DNAJC13: variants seen among roughly 807,000 people sequenced by gnomAD.
DNAJC13 encodes dnaJ homolog subfamily C member 13.
Under a neutral mutation model 290.5 loss-of-function variants are expected in DNAJC13, and 75 were observed. That is an observed-to-expected ratio of 0.26 (90% CI 0.21 to 0.31). The LOEUF is 0.31. Ranked by LOEUF, DNAJC13 falls within the 10% of genes least tolerant of loss-of-function variation. The probability of loss-of-function intolerance (pLI) is 1.00; values close to 1 mark genes in which losing one functional copy is unlikely to be tolerated. For synonymous variants in DNAJC13, 862 were observed against 892.0 expected (o/e 0.97, Z 0.60); for missense variants, 2,260 against 2,674.5 (o/e 0.85, Z 3.42).
At chr3:132,434,707 A>G in intron 2 of DNAJC13, 89 bp downstream of exon 2, 2 of 1,018,502 alleles carry the variant, frequency 2.0e-6, no homozygotes, top group South Asian at 3.7e-5. Flanking sequence ...AATACTGCAC[A>G]ACTCAGGCTA....
Position 132,457,313 on chromosome 3 carries a change from GA to G in DNAJC13, c.1396del (p.Ser466AlafsTer5), listed in dbSNP as rs1437342573. ...LGVKVVKALK[R>X]SNNGIIHAAV... ...GTGAAGGTAGTAAAAGCACTCAAAA[GA>G]AGCAACAACGGAATAATCCATGCAG... On this transcript the variant is annotated frameshift_variant, in exon 13 of 56. Coordinates refer to ENST00000260818, the MANE Select transcript of DNAJC13 (RefSeq NM_015268.4). LOFTEE classifies it high-confidence loss of function. 3 of 1,613,454 alleles carry G rather than the reference GA, an allele frequency of 1.9e-6. No individual in the cohort carries two copies.
At chr3:132,470,629 C>A (rs1934181736) in intron 20 of DNAJC13, among the ~76,000 whole-genome samples, 1 of 142,624 alleles carries the variant, frequency 7.0e-6, no homozygotes. Flanking sequence ...GACCCCCCCA[C>A]CTCCCTCCCG....
chr3:132,528,303 A>G lies in DNAJC13; in HGVS notation c.6496A>G (p.Met2166Val), dbSNP rs1039219344. 2 of 1,614,080 alleles carry G rather than the reference A, an allele frequency of 1.2e-6. No homozygotes were observed. Among genetic ancestry groups the G allele is most frequent in the African/African-American group, 1.3e-5 (1 of 74,936 alleles). Residue 2166 changes from methionine (M) to valine (V), a missense_variant, in exon 54 of 56, where the codon ATG (methionine) becomes GTG (valine). Met to Val is a conservative substitution (Grantham distance 21). Transcript: ENST00000260818. The part of the protein sequence containing the change: ...KAQIVKALKA[M>V]TRSLQYGEQV... ...TCAGATTGTTAAAGCTCTCAAGGCA[A>G]TGACTCGAAGTTTGCAGTATGGAGA...
At chr3:132,480,269 A>C (rs1440215898) in intron 25 of DNAJC13, 100 bp from the exon 26 acceptor site, 2 of 624,640 alleles carry the variant, frequency 3.2e-6, no homozygotes, top group Non-Finnish European at 5.5e-6. Flanking sequence ...TTCTTCGAGG[A>C]CCTTGTAGGT....
At chr3:132,503,732 T>C (rs1362787148) in intron 41 of DNAJC13, among the ~76,000 whole-genome samples, 1 of 152,188 alleles carries the variant, frequency 6.6e-6, no homozygotes, top group African/African-American at 2.4e-5. Context: ...AGCTATTTAT[T>C]GTAAGCCATA....
intron 46 of DNAJC13, 139 bp downstream of exon 46, chr3:132,514,809 C>G (rs1935873930): frequency 1.5e-6 from 1 of 668,310 alleles, no homozygotes; most frequent in South Asian, 1.8e-5. Flanking sequence ...ATTTGTCTTC[C>G]TAATAATGTT....
chr3:132,471,726 A>G (rs1452666134), intron 20 of DNAJC13, among the ~76,000 whole-genome samples: 5 of 92,692 alleles, frequency 5.4e-5, no homozygotes, highest in East Asian at 3.8e-4. Context: ...CCTAGATGGG[A>G]TGGCGGCCGG....
chr3:132,426,301 A>G (rs1939087746), intron 1 of DNAJC13, among the ~76,000 whole-genome samples: 1 of 152,238 alleles, frequency 6.6e-6, no homozygotes, highest in South Asian at 2.1e-4. Context: ...GATGCTTTCA[A>G]TGCAATTTAA....
At chr3:132,446,591 C>A (rs369170853) in intron 3 of DNAJC13, 41 bp downstream of exon 3, 70 of 1,422,276 alleles carry the variant, frequency 4.9e-5, no homozygotes, top group Non-Finnish European at 4.6e-5. Flanking sequence ...TATGAACTCC[C>A]TTTGAATTTT....
At chr3:132,528,362 T>C (rs1167407452) in intron 54 of DNAJC13, 30 bp downstream of exon 54, 4 of 1,611,456 alleles carry the variant, frequency 2.5e-6, no homozygotes, top group Non-Finnish European at 3.4e-6. Context: ...ACTTTTGATA[T>C]TCTAAAAGCC....
At chr3:132,433,547 G>T (rs1344535138) in intron 1 of DNAJC13, among the ~76,000 whole-genome samples, 1 of 152,150 alleles carries the variant, frequency 6.6e-6, no homozygotes, top group Non-Finnish European at 1.5e-5. Context: ...AATGGCTGGG[G>T]TTATAGGCAT....
chr3:132,487,535 C>A (rs560125023), intron 29 of DNAJC13, among the ~76,000 whole-genome samples: 1 of 133,698 alleles, frequency 7.5e-6, no homozygotes, highest in African/African-American at 3.7e-5. Flanking sequence ...GGATTACAGG[C>A]GTGAGCCACC....
chr3:132,534,207 C>T (rs1435338813), intron 55 of DNAJC13, among the ~76,000 whole-genome samples: 2 of 152,166 alleles, frequency 1.3e-5, no homozygotes, highest in African/African-American at 4.8e-5. Context: ...TTACTGAAGC[C>T]TGCAGACGTG....
At chr3:132,499,861 A>T in intron 38 of DNAJC13, 53 bp downstream of exon 38, 1 of 1,492,380 alleles carries the variant, frequency 6.7e-7, no homozygotes, top group Non-Finnish European at 9.3e-7. Flanking sequence ...AATGGTTCAG[A>T]CTTTAACATA....
At chr3:132,451,486 T>C (rs1043909715) in intron 6 of DNAJC13, among the ~76,000 whole-genome samples, 1 of 152,186 alleles carries the variant, frequency 6.6e-6, no homozygotes, top group Non-Finnish European at 1.5e-5. Flanking sequence ...TAACAGAAGC[T>C]ACTTAAGGTG....
chr3:132,442,522 C>G (rs192695927), intron 2 of DNAJC13, among the ~76,000 whole-genome samples: 11 of 152,300 alleles, frequency 7.2e-5, no homozygotes, highest in African/African-American at 2.2e-4. Flanking sequence ...ATGATCTTAT[C>G]TCCACCAATA....
intron 17 of DNAJC13, among the ~76,000 whole-genome samples, chr3:132,465,030 C>G (rs988148132): frequency 4.6e-5 from 7 of 152,064 alleles, no homozygotes; most frequent in Non-Finnish European, 5.9e-5. Context: ...CTAACTAAAG[C>G]CTTTTTAGGA....
In DNAJC13 at chr3:132,538,407, A is replaced by G; in HGVS notation, c.*125A>G. On this transcript the variant is annotated 3_prime_UTR_variant, in exon 56 of 56. Coordinates refer to ENST00000260818, the MANE Select transcript of DNAJC13 (RefSeq NM_015268.4). ...TCATGACAGTGTTATTCCTTTTTCT[A>G]TAAATATATTTTTAGGAAAAAAAGT... 1 of 672,952 alleles carries G rather than the reference A, an allele frequency of 1.5e-6. No individual in the cohort carries two copies. Among genetic ancestry groups the G allele is most frequent in the South Asian group, 2.3e-5 (1 of 43,172 alleles). The allele number at this position is 672,952 out of a possible 1,614,324, so 41.7% of individuals were successfully genotyped here. A position where few individuals can be genotyped will look rare whatever the true frequency, so the allele number is the denominator to read the frequency against.
At position 132,505,247 on chromosome 3, in the gene DNAJC13, T is replaced by C. The variant is rs1421035043; in HGVS notation, c.4885-55T>C. Reference sequence around the variant, plus strand: ...TATAATAGACATTTTTAATAAGTGATAATGTCAATAAGTTTTTTCACTAAA... The same window carrying C: ...TATAATAGACATTTTTAATAAGTGACAATGTCAATAAGTTTTTTCACTAAA... On this transcript the variant is annotated intron_variant, in intron 41 of 55. Coordinates refer to ENST00000260818, the MANE Select transcript of DNAJC13 (RefSeq NM_015268.4). The C allele has an allele frequency of 3.6e-6, 4 of 1,107,384 alleles. No homozygotes were observed. The East Asian group carries it at 9.5e-5, about 26-fold the overall frequency. The allele number at this position is 1,107,384 out of a possible 1,614,324, so 68.6% of individuals were successfully genotyped here. A position where few individuals can be genotyped will look rare whatever the true frequency, so the allele number is the denominator to read the frequency against.
Sources: gnomAD v4.1 joint callset for allele counts (sites outside exome capture counted in the v4.1 genomes callset) on GRCh38, gnomAD v4.1.1 for gene constraint, MANE v1.5 for transcripts, NCBI Gene and HGNC (gene_info 2026-07-23, HGNC 2026-07-21) for gene names.